Variants in DSCAM observed in about 807,000 individuals in gnomAD.
DSCAM encodes cell adhesion molecule DSCAM.
Under a neutral mutation model 217.7 loss-of-function variants are expected in DSCAM, and 47 were observed. The observed-to-expected ratio is 0.22, with a 90% CI of 0.17 to 0.28. The LOEUF is 0.28. Among genes scored for constraint, DSCAM ranks in the 10% least tolerant of loss-of-function variants. The pLI, the probability that DSCAM is intolerant of heterozygous loss-of-function variation, is 1.00. For missense variants in DSCAM, 2,080 were observed against 2,618.3 expected, an observed-to-expected ratio of 0.79 and a Z score of 4.49; for synonymous variants, 1,056 against 1,015.3, an observed-to-expected ratio of 1.04 and a Z score of -0.76.
At chr21:40,214,923 C>T (rs1363847544) in intron 11 of DSCAM, among the ~76,000 whole-genome samples, 2 of 151,958 alleles carry the variant, frequency 1.3e-5, no homozygotes, top group African/African-American at 4.8e-5. Flanking sequence ...TTTATCACAG[C>T]ACAATTCACA....
chr21:40,811,280 C>T (rs748491124), intron 1 of DSCAM, among the ~76,000 whole-genome samples: 37 of 152,166 alleles, frequency 2.4e-4, no homozygotes, highest in Non-Finnish European at 4.3e-4. Context: ...TATATATTAG[C>T]CAGAACCCCC....
chr21:40,485,370 G>A (rs947118082), intron 3 of DSCAM, among the ~76,000 whole-genome samples: 1 of 151,614 alleles, frequency 6.6e-6, no homozygotes, highest in Non-Finnish European at 1.5e-5. Flanking sequence ...AGCCTCCCGA[G>A]TAGCTGGGAC....
chr21:40,502,578 A>G (rs2076178301), intron 3 of DSCAM, among the ~76,000 whole-genome samples: 1 of 151,982 alleles, frequency 6.6e-6, no homozygotes, highest in Admixed American at 6.6e-5. Flanking sequence ...CCCTCGGTTC[A>G]TGGTCTCCTT....
intron 1 of DSCAM, among the ~76,000 whole-genome samples, chr21:40,820,324 G>A (rs368111482): frequency 3.8e-4 from 58 of 152,228 alleles, no homozygotes; most frequent in African/African-American, 1.3e-3. Flanking sequence ...CATGGATGAA[G>A]CTGGAAGCCA....
intron 32 of DSCAM, among the ~76,000 whole-genome samples, chr21:40,041,781 ATAGT>A (rs2088755323): frequency 6.6e-6 from 1 of 152,156 alleles, no homozygotes; most frequent in Admixed American, 6.5e-5. Context: ...CACTGACTAT[ATAGT>A]AAGACCTCTC....
chr21:40,411,584 T>C, intron 3 of DSCAM, among the ~76,000 whole-genome samples: 1 of 151,954 alleles, frequency 6.6e-6, no homozygotes, highest in East Asian at 1.9e-4. Context: ...ATATAAAAAA[T>C]AAGGCAAACA....
intron 18 of DSCAM, among the ~76,000 whole-genome samples, 163 bp downstream of exon 18, chr21:40,142,395 C>A (rs1162591944): frequency 6.6e-6 from 1 of 152,122 alleles, no homozygotes; most frequent in Non-Finnish European, 1.5e-5. Context: ...ACAAAGAGAC[C>A]TGTTCAAATG....
chr21:40,533,748 CCCAT>C (rs567984448), intron 3 of DSCAM, among the ~76,000 whole-genome samples: 5 of 116,384 alleles, frequency 4.3e-5, no homozygotes, highest in Non-Finnish European at 7.4e-5. Flanking sequence ...CATCCATCCA[CCCAT>C]CCATCCATCC....
chr21:40,275,150 C>A (rs946766700), intron 11 of DSCAM, among the ~76,000 whole-genome samples: 1 of 151,622 alleles, frequency 6.6e-6, no homozygotes, highest in East Asian at 1.9e-4. Context: ...CAAAGTGAGA[C>A]CCTCATCTTT....
chr21:40,405,591 G>A (rs944497940), intron 3 of DSCAM, among the ~76,000 whole-genome samples: 2 of 152,134 alleles, frequency 1.3e-5, no homozygotes, highest in African/African-American at 4.8e-5. Flanking sequence ...GGAAATATTT[G>A]CAAATCATAT....
intron 3 of DSCAM, among the ~76,000 whole-genome samples, chr21:40,516,229 C>T (rs964970875): frequency 6.6e-6 from 1 of 152,062 alleles, no homozygotes; most frequent in Admixed American, 6.6e-5. Context: ...TCACTACTTC[C>T]CCAAATGCTA....
At chr21:40,070,276 AGGAGGGAG>A (rs1341232860) in intron 27 of DSCAM, among the ~76,000 whole-genome samples, 1 of 118,026 alleles carries the variant, frequency 8.5e-6, no homozygotes, top group African/African-American at 3.1e-5. Flanking sequence ...GAGGGAGTGA[AGGAGGGAG>A]GGAGGGAGGG....
chr21:40,526,217 C>T (rs893122481), intron 3 of DSCAM, among the ~76,000 whole-genome samples: 9 of 152,142 alleles, frequency 5.9e-5, no homozygotes, highest in Non-Finnish European at 1.0e-4. Flanking sequence ...TATAACTCTG[C>T]CTCCAGCTGG....
chr21:40,074,850 C>G (rs372099738), intron 27 of DSCAM, among the ~76,000 whole-genome samples, 187 bp downstream of exon 27: 2 of 152,306 alleles, frequency 1.3e-5, no homozygotes, highest in African/African-American at 4.8e-5. Context: ...TAGGAACATT[C>G]TTATTGCTCT....
At chr21:40,459,455 G>C (rs2075788999) in intron 3 of DSCAM, among the ~76,000 whole-genome samples, 1 of 152,198 alleles carries the variant, frequency 6.6e-6, no homozygotes, top group African/African-American at 2.4e-5. Flanking sequence ...ATTCAGTGAA[G>C]TGACTGAGTA....
chr21:40,589,267 A>G (rs2076967439), intron 3 of DSCAM, among the ~76,000 whole-genome samples: 1 of 152,242 alleles, frequency 6.6e-6, no homozygotes, highest in Non-Finnish European at 1.5e-5. Flanking sequence ...CTATCTAAAC[A>G]AAATGAAATA....
chr21:40,739,827 G>A (rs2091104799), intron 1 of DSCAM, among the ~76,000 whole-genome samples: 1 of 150,796 alleles, frequency 6.6e-6, no homozygotes. Flanking sequence ...TCCTGATTCT[G>A]GCAGGCAGTT....
chr21:40,756,467 T>C (rs980763570), intron 1 of DSCAM, among the ~76,000 whole-genome samples: 7 of 152,266 alleles, frequency 4.6e-5, no homozygotes, highest in Non-Finnish European at 7.4e-5. Context: ...TCTCGGTTCA[T>C]TGCAATCTCT....
At chr21:40,678,341 C>T (rs528375925) in intron 3 of DSCAM, among the ~76,000 whole-genome samples, 1 of 152,292 alleles carries the variant, frequency 6.6e-6, no homozygotes, top group South Asian at 2.1e-4. Context: ...CAACTGAACA[C>T]AGAACTAGTG....
Sources: allele counts gnomAD v4.1 joint callset (sites outside exome capture counted in the v4.1 genomes callset), GRCh38; gene constraint gnomAD v4.1.1; transcripts MANE v1.5; gene names NCBI Gene and HGNC (gene_info 2026-07-23, HGNC 2026-07-21).